SEMA6D: variants seen among roughly 807,000 people sequenced by gnomAD.
SEMA6D encodes semaphorin-6D.
A neutral mutation model predicts 106.6 loss-of-function variants in SEMA6D; 35 were observed. The observed-to-expected ratio is 0.33, with a 90% CI of 0.25 to 0.44. The LOEUF (loss-of-function observed/expected upper bound fraction) is 0.44, where lower values mean the gene tolerates loss of function less well. Among genes scored for constraint, SEMA6D ranks in the 20% least tolerant of loss-of-function variants. SEMA6D has a pLI of 1.00. For synonymous variants in SEMA6D, 499 were observed against 487.7 expected, an observed-to-expected ratio of 1.02 and a Z score of -0.31; for missense variants, 1,185 against 1,345.9, an observed-to-expected ratio of 0.88 and a Z score of 1.87.
chr15:47,415,111 CA>C (rs1447726614), intron 2 of SEMA6D, among the ~76,000 whole-genome samples: 1 of 152,008 alleles, frequency 6.6e-6, no homozygotes, highest in Non-Finnish European at 1.5e-5. Context: ...AACATTAGGT[CA>C]AAAAAGCATC....
At chr15:47,348,173 C>G (rs901843412) in intron 1 of SEMA6D, among the ~76,000 whole-genome samples, 18 of 152,092 alleles carry the variant, frequency 1.2e-4, no homozygotes, top group Non-Finnish European at 2.6e-4. Context: ...TTTGCTCTTC[C>G]TTTACTTCAT....
At chr15:47,348,663 C>T (rs932875422) in intron 1 of SEMA6D, among the ~76,000 whole-genome samples, 2 of 134,782 alleles carry the variant, frequency 1.5e-5, no homozygotes, top group Non-Finnish European at 3.1e-5. Flanking sequence ...CACCTTGACT[C>T]AAGAGTACAT....
intron 1 of SEMA6D, among the ~76,000 whole-genome samples, chr15:47,332,827 T>C (rs1295449491): frequency 6.6e-6 from 1 of 152,166 alleles, no homozygotes; most frequent in African/African-American, 2.4e-5. Context: ...GGGTCCTGAA[T>C]CACAGAACAG....
intron 3 of SEMA6D, among the ~76,000 whole-genome samples, chr15:47,530,056 C>A (rs1047800300): frequency 6.6e-6 from 1 of 152,320 alleles, no homozygotes; most frequent in South Asian, 2.1e-4. Context: ...TAGCTCCACT[C>A]AGCAGTCAGG....
intron 3 of SEMA6D, among the ~76,000 whole-genome samples, chr15:47,495,396 C>T (rs569646221): frequency 2.0e-5 from 3 of 151,936 alleles, no homozygotes; most frequent in African/African-American, 7.2e-5. Context: ...TGCCAAAGAA[C>T]TTACTTTTTA....
intron 3 of SEMA6D, among the ~76,000 whole-genome samples, chr15:47,513,016 G>C (rs1294669090): frequency 6.6e-6 from 1 of 152,118 alleles, no homozygotes; most frequent in African/African-American, 2.4e-5. Context: ...ATAAAACACT[G>C]TCATTACCCC....
chr15:47,749,103 TAC>T (rs1233986102), intron 1 of SEMA6D, among the ~76,000 whole-genome samples: 2 of 138,176 alleles, frequency 1.4e-5, no homozygotes, highest in Non-Finnish European at 3.1e-5. Flanking sequence ...TTTTTGGAGA[TAC>T]AGTTTCATTC....
At chr15:47,227,971 TA>T (rs1420352609) in intron 1 of SEMA6D, among the ~76,000 whole-genome samples, 3 of 142,052 alleles carry the variant, frequency 2.1e-5, no homozygotes, top group Non-Finnish European at 4.6e-5. Context: ...ATCTTATATA[TA>T]TTTTATATAT....
chr15:47,636,634 C>T (rs1001823592), intron 4 of SEMA6D, among the ~76,000 whole-genome samples: 1 of 152,174 alleles, frequency 6.6e-6, no homozygotes, highest in African/African-American at 2.4e-5. Context: ...TAAGATTCCA[C>T]ATCTCCTAAC....
intron 1 of SEMA6D, among the ~76,000 whole-genome samples, chr15:47,300,389 T>G (rs2035973670): frequency 6.6e-6 from 1 of 151,928 alleles, no homozygotes; most frequent in African/African-American, 2.4e-5. Context: ...AAAACACGTA[T>G]TGAGTGCCTG....
chr15:47,345,133 A>G lies in SEMA6D; in HGVS notation c.-238-67260A>G, dbSNP rs369983990. The stretch of plus-strand genomic sequence containing the variant: ...ATGGGTTGGAAGACTATTTATTAAG[A>G]TATCAATTTATCCATATTAATCTGT... On this transcript the variant is annotated intron_variant, in intron 1 of 19. Coordinates refer to the SEMA6D transcript ENST00000558014. Among the ~76,000 whole-genome samples the G allele has an allele frequency of 1.1e-4, 17 of 152,218 alleles. 1 individual carries two copies. In the South Asian group the frequency reaches 3.5e-3, roughly 32 times the overall value.
intron 4 of SEMA6D, among the ~76,000 whole-genome samples, chr15:47,659,264 A>G (rs1480015152): frequency 1.3e-5 from 2 of 151,952 alleles, no homozygotes; most frequent in Non-Finnish European, 2.9e-5. Flanking sequence ...ATGGGTCAAT[A>G]AAATAGGATA....
At chr15:47,297,087 C>T (rs1411556946) in intron 1 of SEMA6D, among the ~76,000 whole-genome samples, 1 of 152,128 alleles carries the variant, frequency 6.6e-6, no homozygotes, top group Non-Finnish European at 1.5e-5. Context: ...ACACAAACCG[C>T]AGCCAGAATT....
At chr15:47,327,474 T>G (rs529061351) in intron 1 of SEMA6D, among the ~76,000 whole-genome samples, 1 of 152,358 alleles carries the variant, frequency 6.6e-6, no homozygotes, top group South Asian at 2.1e-4. Flanking sequence ...TTGAAGGTTG[T>G]GGTAAAATTA....
chr15:47,649,893 CA>C (rs1215985389), intron 4 of SEMA6D, among the ~76,000 whole-genome samples: 1 of 152,168 alleles, frequency 6.6e-6, no homozygotes, highest in African/African-American at 2.4e-5. Context: ...TTAGAGTCTT[CA>C]CTGAAGAAAT....
intron 3 of SEMA6D, among the ~76,000 whole-genome samples, chr15:47,580,759 A>G (rs760883426): frequency 3.3e-5 from 5 of 152,228 alleles, no homozygotes; most frequent in Non-Finnish European, 7.3e-5. Context: ...AAGTGAGTGG[A>G]GCAAACAAAT....
chr15:47,265,351 ATGAT>A (rs2142156631), intron 1 of SEMA6D, among the ~76,000 whole-genome samples: 1 of 151,986 alleles, frequency 6.6e-6, no homozygotes, highest in South Asian at 2.1e-4. Flanking sequence ...GTTTGTGTCT[ATGAT>A]TGTATCCATT....
At chr15:47,424,360 A>T (rs1269183286) in intron 2 of SEMA6D, among the ~76,000 whole-genome samples, 3 of 152,118 alleles carry the variant, frequency 2.0e-5, no homozygotes, top group Non-Finnish European at 4.4e-5. Context: ...AAAAAAAAAG[A>T]AAATTAGTTT....
Position 47,763,081 on chromosome 15 carries a change from G to A in SEMA6D, c.724G>A (p.Val242Ile). Reference protein sequence around the residue: ...YVYFFFREIAVEHNNLGKAVY... With the variant: ...YVYFFFREIAIEHNNLGKAVY... ...CTATTTCTTCTTTCGAGAAATCGCT[G>A]TCGAACATAATAATTTAGGCAAGGC... Residue 242 changes from valine to isoleucine, a missense_variant, in exon 9 of 19, where the codon GTC (valine) becomes ATC (isoleucine). Around this residue, in one of 3 missense-constraint regions of SEMA6D, gnomAD observed 291 missense variants for 423.8 expected, o/e 0.69. Transcript: ENST00000536845. The A allele has an allele frequency of 2.5e-6, 4 of 1,612,470 alleles. No individual in the cohort carries two copies. Among genetic ancestry groups the A allele is most frequent in the South Asian group, 1.1e-5 (1 of 90,902 alleles).
Sources: allele counts gnomAD v4.1 joint callset (sites outside exome capture counted in the v4.1 genomes callset), GRCh38; gene constraint gnomAD v4.1.1; regional missense constraint gnomAD v4.1.1; transcripts MANE v1.5; gene names NCBI Gene and HGNC (gene_info 2026-07-23, HGNC 2026-07-21).